PARN: variants seen among roughly 807,000 people sequenced by gnomAD.
PARN encodes poly(A)-specific ribonuclease.
Under a neutral mutation model 102.8 loss-of-function variants are expected in PARN, and 71 were observed. The observed-to-expected ratio is 0.69, with a 90% CI of 0.57 to 0.84. The LOEUF (loss-of-function observed/expected upper bound fraction) is 0.84. Ranked by LOEUF, PARN falls within the 40% of genes least tolerant of loss-of-function variation. The probability of loss-of-function intolerance (pLI) is 0.00; values close to 1 mark genes in which losing one functional copy is unlikely to be tolerated. For synonymous variants in PARN, 261 were observed against 252.9 expected, an observed-to-expected ratio of 1.03 and a Z score of -0.30; for missense variants, 782 against 760.9, an observed-to-expected ratio of 1.03 and a Z score of -0.33.
At chr16:14,530,780 G>A (rs1966281535) in intron 21 of PARN, among the ~76,000 whole-genome samples, 1 of 151,976 alleles carries the variant, frequency 6.6e-6, no homozygotes, top group African/African-American at 2.4e-5. Context: ...ACTGTACCAG[G>A]GCATCTCCTC....
intron 21 of PARN, among the ~76,000 whole-genome samples, chr16:14,547,405 T>C (rs1335326201): frequency 2.0e-5 from 3 of 152,230 alleles, no homozygotes; most frequent in South Asian, 2.1e-4. Flanking sequence ...AGAACTTTCA[T>C]ATTCAAAATG....
intron 13 of PARN, among the ~76,000 whole-genome samples, chr16:14,588,109 G>C (rs1008991863): frequency 6.6e-6 from 1 of 152,170 alleles, no homozygotes; most frequent in Non-Finnish European, 1.5e-5. Context: ...TCTTGGGCAA[G>C]GTAGCAGGCA....
At chr16:14,619,632 C>G (rs983598240) in intron 5 of PARN, among the ~76,000 whole-genome samples, 2 of 151,106 alleles carry the variant, frequency 1.3e-5, no homozygotes, top group African/African-American at 4.9e-5. Flanking sequence ...GTGGTGGTTC[C>G]CATCTGTAGT....
At chr16:14,492,697 G>A (rs897301952) in intron 21 of PARN, among the ~76,000 whole-genome samples, 2 of 152,100 alleles carry the variant, frequency 1.3e-5, no homozygotes, top group Admixed American at 6.5e-5. Flanking sequence ...TTGAGGCCAC[G>A]GAAGCAGCAA....
At chr16:14,534,191 C>A (rs137957636) in intron 21 of PARN, among the ~76,000 whole-genome samples, 6,302 of 150,380 alleles carry the variant, frequency 0.042, 141 homozygotes, top group African/African-American at 0.05. Context: ...TGCACTCCAG[C>A]CTGGGCAACT....
intron 22 of PARN, among the ~76,000 whole-genome samples, chr16:14,482,005 G>A (rs1378239801): frequency 6.6e-6 from 1 of 152,144 alleles, no homozygotes; most frequent in African/African-American, 2.4e-5. Flanking sequence ...AAGAGCAAGG[G>A]ATCAGACACA....
At chr16:14,518,738 C>T (rs1965590325) in intron 21 of PARN, among the ~76,000 whole-genome samples, 1 of 152,134 alleles carries the variant, frequency 6.6e-6, no homozygotes, top group African/African-American at 2.4e-5. Context: ...AAAATCTAGA[C>T]TTTTTTCAAT....
chr16:14,531,752 G>A (rs1966341460), intron 21 of PARN, among the ~76,000 whole-genome samples: 1 of 151,738 alleles, frequency 6.6e-6, no homozygotes, highest in Non-Finnish European at 1.5e-5. Flanking sequence ...CTTTCCAAGG[G>A]CAGCTCTATT....
chr16:14,506,950 C>G (rs1964927004), intron 21 of PARN, among the ~76,000 whole-genome samples: 1 of 147,838 alleles, frequency 6.8e-6, no homozygotes, highest in Non-Finnish European at 1.5e-5. Context: ...AAAGAAATGC[C>G]AGTAAGAATG....
intron 18 of PARN, among the ~76,000 whole-genome samples, chr16:14,579,312 T>C (rs1276215653): frequency 6.6e-6 from 1 of 152,260 alleles, no homozygotes; most frequent in Non-Finnish European, 1.5e-5. Flanking sequence ...GCTCTGCATG[T>C]TGGTCACATA....
At chr16:14,461,706 T>A (rs1961990240) in intron 22 of PARN, among the ~76,000 whole-genome samples, 1 of 152,246 alleles carries the variant, frequency 6.6e-6, no homozygotes. Flanking sequence ...TCTTTATAAT[T>A]CTACTTGTTT....
chr16:14,531,287 G>A (rs1230244224), intron 21 of PARN, among the ~76,000 whole-genome samples: 1 of 152,016 alleles, frequency 6.6e-6, no homozygotes, highest in Non-Finnish European at 1.5e-5. Flanking sequence ...AGAGGTTGCA[G>A]GGAGGCAGAG....
In PARN at chr16:14,514,170, T is replaced by G. The variant is rs139442863; in HGVS notation, c.1481-31343A>C. Reference sequence around the variant, plus strand: ...ATAAGAGTCACTTTATTTATTTAATTTAATGTAATGTCATTAATTAATTTA... The same window carrying G: ...ATAAGAGTCACTTTATTTATTTAATGTAATGTAATGTCATTAATTAATTTA... On this transcript the variant is annotated intron_variant, in intron 21 of 23. Transcript: ENST00000437198. 8.5e-3 allele frequency among the ~76,000 whole-genome samples: 1,289 copies of G among 152,290 alleles called. 21 individuals are homozygous for G. The highest frequency in any genetic ancestry group is 0.029 in the African/African-American group (1,209 of 41,560).
intron 18 of PARN, among the ~76,000 whole-genome samples, chr16:14,565,954 T>TA (rs980694362): frequency 7.2e-5 from 11 of 152,244 alleles, no homozygotes; most frequent in African/African-American, 2.4e-4. Context: ...CCAAATTTCT[T>TA]AGAGTATACT....
At position 14,446,303 on chromosome 16, in the gene PARN, C is replaced by T. The variant is rs575839264; in HGVS notation, c.1864+585G>A. Among the ~76,000 whole-genome samples, 52 of 152,306 alleles carry T rather than the reference C, an allele frequency of 3.4e-4. No individual in the cohort carries two copies. The East Asian group carries it at 7.7e-3, about 23-fold the overall frequency. ...CAGCATGGCCCCGCACACTTAGCCT[C>T]GCTGAGCCCAGGCATCTGCTTCATC... is the stretch of plus-strand genomic sequence containing the variant. On this transcript the variant is annotated intron_variant, in intron 23 of 23. Coordinates refer to ENST00000437198, the MANE Select transcript of PARN (RefSeq NM_002582.4).
chr16:14,488,417 T>C (rs1208774362), intron 21 of PARN, among the ~76,000 whole-genome samples: 1 of 152,218 alleles, frequency 6.6e-6, no homozygotes, highest in Admixed American at 6.5e-5. Context: ...CCTTTGTCCA[T>C]CAGAAGACAC....
chr16:14,535,823 G>T (rs944693388), intron 21 of PARN, among the ~76,000 whole-genome samples: 9 of 152,016 alleles, frequency 5.9e-5, no homozygotes, highest in Non-Finnish European at 1.0e-4. Context: ...GTATGTATAG[G>T]AAAAACAGAG....
chr16:14,589,599 C>T (rs901788540), intron 13 of PARN, among the ~76,000 whole-genome samples: 5 of 150,428 alleles, frequency 3.3e-5, no homozygotes, highest in African/African-American at 1.2e-4. Flanking sequence ...GGCATAATGG[C>T]TCATGCCTGT....
intron 21 of PARN, among the ~76,000 whole-genome samples, chr16:14,524,322 G>T (rs905976692): frequency 1.3e-5 from 2 of 152,096 alleles, no homozygotes; most frequent in African/African-American, 4.8e-5. Flanking sequence ...CATACCCTTG[G>T]TCCATCACGG....
Sources: allele counts gnomAD v4.1 joint callset (sites outside exome capture counted in the v4.1 genomes callset), GRCh38; gene constraint gnomAD v4.1.1; transcripts MANE v1.5; gene names NCBI Gene and HGNC (gene_info 2026-07-23, HGNC 2026-07-21).